MCCC2: variants seen among roughly 807,000 people sequenced by gnomAD.
MCCC2 encodes methylcrotonoyl-CoA carboxylase beta chain, mitochondrial.
Under a neutral mutation model 77.2 loss-of-function variants are expected in MCCC2, and 52 were observed. The observed-to-expected ratio is 0.67, with a 90% CI of 0.54 to 0.85. The LOEUF is 0.85. Among genes scored for constraint, MCCC2 ranks in the 40% least tolerant of loss-of-function variants. The pLI, the probability that MCCC2 is intolerant of heterozygous loss-of-function variation, is 0.00. For missense variants in MCCC2, 682 were observed against 703.2 expected, an observed-to-expected ratio of 0.97 and a Z score of 0.34; for synonymous variants, 253 against 248.4, an observed-to-expected ratio of 1.02 and a Z score of -0.18.
At position 71,656,908 on chromosome 5, in the gene MCCC2, A is replaced by G; in HGVS notation, c.*48A>G. The G allele has an allele frequency of 7.1e-7, 1 of 1,417,308 alleles. No individual in the cohort carries two copies. The highest frequency in any genetic ancestry group is 1.0e-6 in the Non-Finnish European group (1 of 1,001,316). The allele number at this position is 1,417,308 out of a possible 1,614,324, so 87.8% of individuals were successfully genotyped here. A position where few individuals can be genotyped will look rare whatever the true frequency, so the allele number is the denominator to read the frequency against. On this transcript the variant is annotated 3_prime_UTR_variant, in exon 17 of 17. Coordinates refer to ENST00000340941, the MANE Select transcript of MCCC2 (RefSeq NM_022132.5). ...TTGGACATGTACTGAAAATTAACAC[A>G]TGTAGTAGCCTTAAAATTTTAGACT...
chr5:71,600,196 G>T lies in MCCC2; in HGVS notation c.383+436G>T, dbSNP rs188907881. 1.8e-4 allele frequency among the ~76,000 whole-genome samples: 28 copies of T among 152,098 alleles called. No individual in the cohort carries two copies. The East Asian group carries it at 4.6e-3, about 25-fold the overall frequency. On this transcript the variant is annotated intron_variant, in intron 4 of 16. Transcript: ENST00000340941. ...AAACAAAAAGATGTCTTTCCATGGA[G>T]ACAAGGGCAAGGAAGGAGACCAGTC...
At chr5:71,640,413 G>T in intron 10 of MCCC2, among the ~76,000 whole-genome samples, 2 of 141,624 alleles carry the variant, frequency 1.4e-5, no homozygotes, top group African/African-American at 2.7e-5. Context: ...TAACAGATGA[G>T]GAAACTGAAG....
chr5:71,654,976 A>G (rs1561850158), intron 16 of MCCC2, among the ~76,000 whole-genome samples: 1 of 151,972 alleles, frequency 6.6e-6, no homozygotes, highest in Non-Finnish European at 1.5e-5. Context: ...CTGGGATTAC[A>G]GGCGTGTGCC....
At chr5:71,633,131 A>ATTTTTTTTTTTTAT (rs1306338509) in intron 8 of MCCC2, among the ~76,000 whole-genome samples, 9 of 78,088 alleles carry the variant, frequency 1.2e-4, no homozygotes, top group Non-Finnish European at 2.2e-4. Flanking sequence ...ATATATATAT[A>ATTTTTTTTTTTTAT]TTTTTATTTT....
intron 12 of MCCC2, among the ~76,000 whole-genome samples, chr5:71,645,750 C>T (rs757558672): frequency 1.3e-5 from 2 of 152,166 alleles, no homozygotes; most frequent in Admixed American, 6.5e-5. Context: ...TCATCCTTGA[C>T]GCAACAATAG....
chr5:71,643,157 A>T (rs1747174211), intron 11 of MCCC2, among the ~76,000 whole-genome samples: 1 of 152,104 alleles, frequency 6.6e-6, no homozygotes, highest in East Asian at 1.9e-4. Flanking sequence ...CCAAGGTGGG[A>T]GGATCACTTG....
chr5:71,587,470 C>T lies in MCCC2; in HGVS notation c.45C>T (p.Ala15=). ...TAGCCCTGCGGCCGTGTGCCCGCGC[C>T]TCTCCCGCCGGGCCGCGCGCCTATC... The part of the protein sequence containing the change: ...LRLALRPCAR[A]SPAGPRAYHG... Residue 15 remains alanine, a synonymous_variant, in exon 1 of 17, where the codon GCC becomes GCT. Coordinates refer to ENST00000340941, the MANE Select transcript of MCCC2 (RefSeq NM_022132.5). The T allele has an allele frequency of 6.5e-7, 1 of 1,536,230 alleles. No homozygotes were observed.
Position 71,629,735 on chromosome 5 carries a change from C to CATTATTATTATT in MCCC2, c.739-2369_739-2358dup, listed in dbSNP as rs3066461. Among the ~76,000 whole-genome samples the CATTATTATTATT allele has an allele frequency of 1.6e-3, 244 of 147,980 alleles. 2 individuals are homozygous for CATTATTATTATT. The highest frequency in any genetic ancestry group is 5.3e-3 in the African/African-American group (217 of 40,564). On this transcript the variant is annotated intron_variant, in intron 7 of 16. Coordinates refer to ENST00000340941, the MANE Select transcript of MCCC2 (RefSeq NM_022132.5). ...AGGCATTATTTTAAAAGCCTGCAGC[C>CATTATTATTATT]ATTATTATTATTATTATTATTATTA...
intron 16 of MCCC2, among the ~76,000 whole-genome samples, chr5:71,653,050 A>G (rs936202362): frequency 6.6e-6 from 1 of 152,212 alleles, no homozygotes; most frequent in Non-Finnish European, 1.5e-5. Flanking sequence ...CTGCAGCCCA[A>G]GGTGGGCCAT....
intron 16 of MCCC2, among the ~76,000 whole-genome samples, chr5:71,654,557 GT>G (rs140088649): frequency 8.8e-4 from 132 of 149,392 alleles, no homozygotes; most frequent in Admixed American, 2.6e-3. Context: ...CTTTTCTATA[GT>G]TTTTTTTTTC....
At chr5:71,607,419 G>A (rs1447000984) in intron 6 of MCCC2, among the ~76,000 whole-genome samples, 1 of 149,044 alleles carries the variant, frequency 6.7e-6, no homozygotes, top group Non-Finnish European at 1.5e-5. Context: ...GATCGGTGGT[G>A]ATATCCCCTT....
chr5:71,605,026 A>G (rs1272557232), intron 6 of MCCC2, among the ~76,000 whole-genome samples: 1 of 117,776 alleles, frequency 8.5e-6, no homozygotes, highest in Non-Finnish European at 1.8e-5. Flanking sequence ...ATTGTGAATA[A>G]TGCCGCAATA....
chr5:71,592,182 A>T (rs1481770309), intron 1 of MCCC2, among the ~76,000 whole-genome samples: 1 of 152,138 alleles, frequency 6.6e-6, no homozygotes, highest in Non-Finnish European at 1.5e-5. Flanking sequence ...GGAGTTTGAG[A>T]TCAGCCTGGC....
intron 11 of MCCC2, among the ~76,000 whole-genome samples, chr5:71,643,414 C>T (rs181568538): frequency 6.6e-6 from 1 of 152,130 alleles, no homozygotes; most frequent in Non-Finnish European, 1.5e-5. Context: ...TCTGGCTTAT[C>T]AGTATGTTGA....
chr5:71,597,712 T>G (rs1421417462), intron 3 of MCCC2, among the ~76,000 whole-genome samples: 1 of 152,234 alleles, frequency 6.6e-6, no homozygotes, highest in Non-Finnish European at 1.5e-5. Flanking sequence ...GAGACAGCAC[T>G]GTTAACACCT....
intron 7 of MCCC2, among the ~76,000 whole-genome samples, chr5:71,630,773 CTTTT>C (rs886364690): frequency 2.0e-5 from 3 of 151,930 alleles, no homozygotes; most frequent in African/African-American, 7.2e-5. Context: ...TTTCTTTTTT[CTTTT>C]TGTTTCAGGG....
intron 6 of MCCC2, among the ~76,000 whole-genome samples, chr5:71,624,167 C>G (rs1385647338): frequency 6.6e-6 from 1 of 152,160 alleles, no homozygotes; most frequent in African/African-American, 2.4e-5. Flanking sequence ...GGCACTAATC[C>G]CATGGGGAGG....
intron 6 of MCCC2, among the ~76,000 whole-genome samples, chr5:71,607,200 T>A (rs1254432954): frequency 1.3e-5 from 2 of 152,044 alleles, no homozygotes; most frequent in Non-Finnish European, 2.9e-5. Context: ...TGAATCCATC[T>A]GGTCCTGGAC....
At chr5:71,610,757 TG>T (rs1328065582) in intron 6 of MCCC2, among the ~76,000 whole-genome samples, 1 of 152,048 alleles carries the variant, frequency 6.6e-6, no homozygotes, top group Non-Finnish European at 1.5e-5. Flanking sequence ...GAGGCCGAGG[TG>T]GGGGGATCAC....
Sources: allele counts gnomAD v4.1 joint callset (sites outside exome capture counted in the v4.1 genomes callset), GRCh38; gene constraint gnomAD v4.1.1; transcripts MANE v1.5; gene names NCBI Gene and HGNC (gene_info 2026-07-23, HGNC 2026-07-21).